Variants in SLC30A9 observed in about 807,000 individuals in gnomAD.
The protein encoded by SLC30A9 is proton-coupled zinc antiporter SLC30A9, mitochondrial.
SLC30A9 carries 58 observed loss-of-function variants against 87.5 expected under a neutral mutation model. The observed-to-expected ratio is 0.66, with a 90% CI of 0.54 to 0.82. SLC30A9 has a LOEUF of 0.82. SLC30A9 is among the 40% of genes least tolerant of loss of function. The pLI, the probability that SLC30A9 is intolerant of heterozygous loss-of-function variation, is 0.00. For synonymous variants in SLC30A9, 234 were observed against 233.0 expected, an observed-to-expected ratio of 1.00 and a Z score of -0.04; for missense variants, 557 against 679.1, an observed-to-expected ratio of 0.82 and a Z score of 2.00.
Position 42,067,052 on chromosome 4 carries a change from A to G in SLC30A9, c.1145-33A>G, listed in dbSNP as rs1253705658. ...ATAGTATCAAGTTAAGATTTTAGAA[A>G]TTTTCTTGTCTTGTCTCTTCCCCAA... On this transcript the variant is annotated intron_variant, in intron 13 of 17. Coordinates refer to ENST00000264451, the MANE Select transcript of SLC30A9 (RefSeq NM_006345.4). The G allele has an allele frequency of 6.7e-6, 9 of 1,347,352 alleles. No homozygotes were observed. In the East Asian group the frequency reaches 2.1e-4, roughly 31 times the overall value. 83.5% of individuals were successfully genotyped at this position (1,347,352 alleles called of 1,614,324 possible).
In SLC30A9 at chr4:42,089,158, T is replaced by C. The variant is rs1036621835; in HGVS notation, c.*3032T>C. On this transcript the variant is annotated 3_prime_UTR_variant, in exon 18 of 18. Transcript: ENST00000264451. ...AGGAGGGGCAGTCAAGGGTCCATGA[T>C]TGATTCCTTCTTGCCCAAAACTAAA... The C allele has an allele frequency of 1.3e-5, 2 of 152,200 alleles. No homozygotes were observed. The highest frequency in any genetic ancestry group is 2.1e-4 in the South Asian group (1 of 4,832). The allele number at this position is 152,200 out of a possible 1,614,324, so 9.4% of individuals were successfully genotyped here. A position where few individuals can be genotyped will look rare whatever the true frequency, so the allele number is the denominator to read the frequency against.
At chr4:42,002,291 T>C (rs1715018112) in intron 2 of SLC30A9, among the ~76,000 whole-genome samples, 1 of 152,088 alleles carries the variant, frequency 6.6e-6, no homozygotes, top group Non-Finnish European at 1.5e-5. Context: ...AACTTTTGTT[T>C]AGATTCAGGA....
intron 9 of SLC30A9, 30 bp from the exon 10 acceptor site, chr4:42,060,161 T>C: frequency 6.4e-7 from 1 of 1,567,780 alleles, no homozygotes; most frequent in East Asian, 2.2e-5. Flanking sequence ...TTGCTAATGA[T>C]TATTCACCTT....
intron 7 of SLC30A9, among the ~76,000 whole-genome samples, chr4:42,036,819 A>G (rs1417035302): frequency 2.0e-5 from 3 of 152,110 alleles, no homozygotes; most frequent in African/African-American, 7.2e-5. Context: ...TAGAGCCTTC[A>G]TATGTCTTAT....
Position 42,018,043 on chromosome 4 carries a change from TATTA to T in SLC30A9, c.275-62_275-59del, listed in dbSNP as rs1177595931. 2.7e-5 allele frequency: 23 copies of T among 847,854 alleles called. No individual in the cohort carries two copies. The East Asian group carries it at 2.8e-4, about 10-fold the overall frequency. The allele number at this position is 847,854 out of a possible 1,614,324, so 52.5% of individuals were successfully genotyped here. A position where few individuals can be genotyped will look rare whatever the true frequency, so the allele number is the denominator to read the frequency against. ...TGCATTGCTATATTACATTGGCTAA[TATTA>T]ATTAAGTTTATAGATTTATGAAAGC... On this transcript the variant is annotated intron_variant, in intron 2 of 17. Transcript: ENST00000264451.
chr4:42,023,839 A>T (rs1297639437), intron 6 of SLC30A9, among the ~76,000 whole-genome samples: 1 of 152,056 alleles, frequency 6.6e-6, no homozygotes, highest in African/African-American at 2.4e-5. Flanking sequence ...GCGCAAGGGG[A>T]AGCAGGCGCA....
rs556807678 is a variant in SLC30A9, at chr4:42,060,168, C to A, written c.841-23C>A. On this transcript the variant is annotated intron_variant, in intron 9 of 17. Coordinates refer to ENST00000264451, the MANE Select transcript of SLC30A9 (RefSeq NM_006345.4). ...TCTCCATCTTGCTAATGATTATTCA[C>A]CTTTTTTTCTTCTTCTTCATAGGGT... The A allele has an allele frequency of 4.6e-5, 73 of 1,591,738 alleles. No individual in the cohort carries two copies. In the Admixed American group the frequency reaches 7.7e-4, roughly 17 times the overall value.
intron 9 of SLC30A9, among the ~76,000 whole-genome samples, chr4:42,056,460 T>G (rs1012290930): frequency 2.6e-5 from 4 of 152,126 alleles, no homozygotes; most frequent in African/African-American, 9.7e-5. Flanking sequence ...CTCCCCTTTT[T>G]AAAACCATCA....
At chr4:42,068,667 A>G (rs1210439540) in intron 14 of SLC30A9, among the ~76,000 whole-genome samples, 3 of 152,242 alleles carry the variant, frequency 2.0e-5, no homozygotes, top group African/African-American at 7.2e-5. Flanking sequence ...TTAACCGTAT[A>G]TTGTGGCTCT....
chr4:42,001,536 C>T (rs1217505573), intron 1 of SLC30A9, 80 bp from the exon 2 acceptor site: 1 of 814,004 alleles, frequency 1.2e-6, no homozygotes, highest in African/African-American at 1.8e-5. Context: ...AGTGAAACAC[C>T]TCTGGAGAGG....
rs150654979 is a variant in SLC30A9, at chr4:42,001,644, C to G, written c.138C>G (p.Ser46Arg). The G allele has an allele frequency of 6.3e-7, 1 of 1,596,748 alleles. No individual in the cohort carries two copies. Among genetic ancestry groups the G allele is most frequent in the South Asian group, 1.1e-5 (1 of 88,928 alleles). ...QEWQNLVTFG[S>R]FSNMVPCSHP... Reference sequence around the variant, plus strand: ...GGCAGAATTTAGTGACATTTGGAAGCTTTTCAAACATGGTTCCCTGTAGTC... The same window carrying G: ...GGCAGAATTTAGTGACATTTGGAAGGTTTTCAAACATGGTTCCCTGTAGTC... Residue 46 changes from serine (S) to arginine (R), a missense_variant, in exon 2 of 18, where the codon AGC becomes AGG. Ser to Arg is a moderately radical substitution (Grantham distance 110). Coordinates refer to ENST00000264451, the MANE Select transcript of SLC30A9 (RefSeq NM_006345.4).
At chr4:42,032,569 T>C (rs1014675257) in intron 6 of SLC30A9, among the ~76,000 whole-genome samples, 1 of 152,100 alleles carries the variant, frequency 6.6e-6, no homozygotes, top group Non-Finnish European at 1.5e-5. Context: ...TTATGGTCAA[T>C]AACCCAGGAA....
rs773960292 is a variant in SLC30A9 at position 41,990,718 on chromosome 4, C to T, written c.67C>T (p.Leu23=). 2.5e-6 allele frequency: 4 copies of T among 1,612,154 alleles called. No individual in the cohort carries two copies. The highest frequency in any genetic ancestry group is 2.2e-5 in the East Asian group (1 of 44,862). The part of the protein sequence containing the change: ...CSWSSLCRLR[L]RCRAAACNPS... Reference sequence around the variant, plus strand: ...CTGGTCCTCCCTGTGCCGGCTCCGTCTGCGATGCAGGGCGGCGGCCTGTAA... The same window carrying T: ...CTGGTCCTCCCTGTGCCGGCTCCGTTTGCGATGCAGGGCGGCGGCCTGTAA... The change falls in exon 1 of 18, where the codon CTG becomes TTG. Residue 23 remains leucine (L), a synonymous_variant. Coordinates refer to ENST00000264451, the MANE Select transcript of SLC30A9 (RefSeq NM_006345.4).
intron 11 of SLC30A9, among the ~76,000 whole-genome samples, chr4:42,064,215 G>A (rs1392555130): frequency 6.6e-6 from 1 of 152,178 alleles, no homozygotes; most frequent in African/African-American, 2.4e-5. Context: ...CTCTTCTTAT[G>A]TGGTCTAGAG....
intron 1 of SLC30A9, among the ~76,000 whole-genome samples, chr4:41,999,836 A>T (rs779394583): frequency 6.6e-6 from 1 of 152,086 alleles, no homozygotes; most frequent in Non-Finnish European, 1.5e-5. Flanking sequence ...AGAATATTTG[A>T]TATTAAGGTT....
At chr4:42,001,909 C>A in intron 2 of SLC30A9, 129 bp downstream of exon 2, 1 of 580,774 alleles carries the variant, frequency 1.7e-6, no homozygotes, top group African/African-American at 2.0e-5. Context: ...TTTGTGGGAA[C>A]TATTAAAGCA....
chr4:42,018,981 C>T (rs903609408), intron 3 of SLC30A9, among the ~76,000 whole-genome samples: 10 of 69,366 alleles, frequency 1.4e-4, no homozygotes, highest in African/African-American at 3.1e-4. Flanking sequence ...ACATGAAACT[C>T]ACGCAAAAAA....
At chr4:42,053,073 C>T (rs184389213) in intron 9 of SLC30A9, among the ~76,000 whole-genome samples, 1 of 152,206 alleles carries the variant, frequency 6.6e-6, no homozygotes, top group Admixed American at 6.5e-5. Context: ...AGGTACTTCA[C>T]AAATAAGGAA....
chr4:42,079,532 G>A (rs931682986), intron 17 of SLC30A9, among the ~76,000 whole-genome samples: 2 of 150,272 alleles, frequency 1.3e-5, no homozygotes, highest in Admixed American at 6.7e-5. Context: ...GACCTCAAGT[G>A]ATCTGCCTGC....
Sources: allele counts gnomAD v4.1 joint callset (sites outside exome capture counted in the v4.1 genomes callset), GRCh38; gene constraint gnomAD v4.1.1; transcripts MANE v1.5; gene names NCBI Gene and HGNC (gene_info 2026-07-23, HGNC 2026-07-21).